Variants in LY96 observed in about 807,000 individuals in gnomAD.
LY96 encodes the protein myeloid differentiation protein-2.
Under a neutral mutation model 18.9 loss-of-function variants are expected in LY96, and 18 were observed. The observed-to-expected ratio is 0.95, with a 90% CI of 0.66 to 1.41. LY96 has a LOEUF of 1.41. LY96 is among the 40% of genes most tolerant of loss of function. LY96 has a pLI of 0.00. For synonymous variants in LY96, 66 were observed against 62.6 expected (o/e 1.06, Z -0.26); for missense variants, 175 against 182.4 (o/e 0.96, Z 0.23).
chr8:74,028,738 A>G (rs1283843106), intron 4 of LY96, among the ~76,000 whole-genome samples: 1 of 152,188 alleles, frequency 6.6e-6, no homozygotes, highest in Non-Finnish European at 1.5e-5. Context: ...AAAACCTCTT[A>G]GGTTAGTTTT....
the LY96 span, among the ~76,000 whole-genome samples, chr8:74,069,535 C>A: frequency 2.0e-5 from 3 of 152,188 alleles, no homozygotes; most frequent in Admixed American, 2.0e-4. Flanking sequence ...CATCTACCAT[C>A]CACCTAACAC....
At chr8:74,023,614 C>G (rs1271663487) in intron 3 of LY96, among the ~76,000 whole-genome samples, 1 of 152,084 alleles carries the variant, frequency 6.6e-6, no homozygotes, top group Non-Finnish European at 1.5e-5. Context: ...ACCTATGCTG[C>G]TTGCTGAGGG....
chr8:74,044,718 AC>A, the LY96 span, among the ~76,000 whole-genome samples: 145 of 152,304 alleles, frequency 9.5e-4, no homozygotes, highest in African/African-American at 3.2e-3. Context: ...TCAAAGATGA[AC>A]AATTTTTTTT....
At chr8:74,074,760 A>C in the LY96 span, among the ~76,000 whole-genome samples, 1 of 152,186 alleles carries the variant, frequency 6.6e-6, no homozygotes, top group Non-Finnish European at 1.5e-5. Context: ...ATTCAGGAGC[A>C]TATTTTCTAA....
Position 74,010,041 on chromosome 8 carries a change from T to G in LY96, c.243T>G (p.Thr81=). The G allele has an allele frequency of 1.9e-6, 3 of 1,608,212 alleles. No individual in the cohort carries two copies. The highest frequency in any genetic ancestry group is 2.6e-6 in the Non-Finnish European group (3 of 1,174,754). Reference sequence around the variant, plus strand: ...AATTATATTTCAATCTCTATATAACTGTCAACACCATGAATCTTCCAAAGC... The same window carrying G: ...AATTATATTTCAATCTCTATATAACGGTCAACACCATGAATCTTCCAAAGC... ...LKQLYFNLYI[T]VNTMNLPKRK... The change falls in exon 3 of 5, where the codon ACT becomes ACG. Residue 81 remains threonine, a synonymous_variant. Coordinates refer to ENST00000284818, the MANE Select transcript of LY96 (RefSeq NM_015364.5).
intron 3 of LY96, among the ~76,000 whole-genome samples, chr8:74,025,672 A>G (rs1013203103): frequency 1.3e-5 from 2 of 151,496 alleles, no homozygotes; most frequent in South Asian, 4.2e-4. Context: ...AAAAAAAAAA[A>G]AAAGATACAC....
At chr8:74,068,873 G>C in the LY96 span, among the ~76,000 whole-genome samples, 1 of 150,388 alleles carries the variant, frequency 6.6e-6, no homozygotes, top group Non-Finnish European at 1.5e-5. Context: ...CTCAGCTCAC[G>C]CATCCTCCGC....
At chr8:74,004,676 C>A in intron 1 of LY96, 120 bp from the exon 2 acceptor site, 1 of 943,558 alleles carries the variant, frequency 1.1e-6, no homozygotes, top group Non-Finnish European at 1.6e-6. Flanking sequence ...CAATCATCAT[C>A]AATTTTTCTT....
chr8:74,045,745 G>A, the LY96 span, among the ~76,000 whole-genome samples: 11 of 152,192 alleles, frequency 7.2e-5, no homozygotes, highest in South Asian at 1.7e-3. Context: ...CCTGTCTGAC[G>A]GAAGCAAAAA....
At chr8:74,099,045 C>T in the LY96 span, among the ~76,000 whole-genome samples, 1 of 152,186 alleles carries the variant, frequency 6.6e-6, no homozygotes, top group African/African-American at 2.4e-5. Context: ...AATTCCTTGG[C>T]CTGGTTGGTA....
At chr8:74,002,093 TTCTCTCTCTCTCTCTCTCTCTCTC>T (rs376445801) in intron 1 of LY96, among the ~76,000 whole-genome samples, 2 of 38,700 alleles carry the variant, frequency 5.2e-5, no homozygotes, top group Admixed American at 3.6e-4. Flanking sequence ...CTTTCTTTCT[TTCTCTCTCTCTCTCTCTCTCTCTC>T]TCTCTCTCTC....
At chr8:74,009,656 TTTC>T (rs1816489008) in intron 2 of LY96, among the ~76,000 whole-genome samples, 1 of 152,182 alleles carries the variant, frequency 6.6e-6, no homozygotes, top group Non-Finnish European at 1.5e-5. Context: ...TTCCTTTTCT[TTTC>T]TTTTGAATTT....
chr8:74,011,731 C>G (rs191544671), intron 3 of LY96, among the ~76,000 whole-genome samples: 2 of 151,886 alleles, frequency 1.3e-5, no homozygotes, highest in Non-Finnish European at 2.9e-5. Flanking sequence ...TGGTGGCATG[C>G]GCCTGTAGTC....
chr8:74,010,737 T>A (rs1340084592), intron 3 of LY96, among the ~76,000 whole-genome samples: 1 of 152,262 alleles, frequency 6.6e-6, no homozygotes, highest in East Asian at 1.9e-4. Context: ...GTTATGAATT[T>A]TCCAGTCCTG....
the LY96 span, among the ~76,000 whole-genome samples, chr8:74,070,732 T>A: frequency 6.9e-6 from 1 of 145,398 alleles, no homozygotes; most frequent in Non-Finnish European, 1.5e-5. Flanking sequence ...TGAGCCTTGC[T>A]TTTTTAAAAA....
chr8:74,013,909 A>T (rs544408990), intron 3 of LY96, among the ~76,000 whole-genome samples: 1 of 152,134 alleles, frequency 6.6e-6, no homozygotes, highest in South Asian at 2.1e-4. Context: ...GTGGGCAGGG[A>T]TGACCCACTG....
chr8:74,020,105 A>G (rs552470803), intron 3 of LY96, among the ~76,000 whole-genome samples: 17 of 152,318 alleles, frequency 1.1e-4, no homozygotes, highest in African/African-American at 4.1e-4. Flanking sequence ...AAGGGTATTC[A>G]ATTAGGAAAA....
the LY96 span, among the ~76,000 whole-genome samples, chr8:74,094,662 T>C: frequency 2.0e-5 from 3 of 152,318 alleles, no homozygotes; most frequent in African/African-American, 7.2e-5. Context: ...TTCCATCAGG[T>C]TGAAACAAAG....
At chr8:74,087,247 A>G in the LY96 span, among the ~76,000 whole-genome samples, 2 of 152,180 alleles carry the variant, frequency 1.3e-5, no homozygotes, top group Non-Finnish European at 2.9e-5. Context: ...TCATCTGGGG[A>G]GTGCATGAGA....
Sources: gnomAD v4.1 joint callset for allele counts (sites outside exome capture counted in the v4.1 genomes callset) on GRCh38, gnomAD v4.1.1 for gene constraint, MANE v1.5 for transcripts, NCBI Gene and HGNC (gene_info 2026-07-23, HGNC 2026-07-21) for gene names.